CDK19: variants seen among roughly 807,000 people sequenced by gnomAD.
CDK19 encodes cyclin dependent kinase 19, also known as cyclin-dependent kinase 19.
In CDK19, 20 loss-of-function variants were observed where a neutral mutation model predicts 68.3. That is an observed-to-expected ratio of 0.29 (90% CI 0.21 to 0.43). The LOEUF is 0.43. Ranked by LOEUF, CDK19 falls within the 20% of genes least tolerant of loss-of-function variation. The probability of loss-of-function intolerance (pLI) is 1.00; values close to 1 mark genes in which losing one functional copy is unlikely to be tolerated. For missense variants in CDK19, 339 were observed against 623.5 expected (o/e 0.54, Z 4.86); for synonymous variants, 221 against 222.8 (o/e 0.99, Z 0.07).
At chr6:110,787,517 GC>G (rs1343687076) in intron 1 of CDK19, among the ~76,000 whole-genome samples, 3 of 151,978 alleles carry the variant, frequency 2.0e-5, no homozygotes, top group Non-Finnish European at 4.4e-5. Flanking sequence ...AACAATCACA[GC>G]TCACTGTAGC....
At chr6:110,670,162 TC>T (rs1675887532) in intron 3 of CDK19, among the ~76,000 whole-genome samples, 1 of 150,912 alleles carries the variant, frequency 6.6e-6, no homozygotes, top group South Asian at 2.1e-4. Flanking sequence ...CCTTCCCCGT[TC>T]GTCTCCCCCG....
At chr6:110,804,540 G>A (rs1241184907) in intron 1 of CDK19, among the ~76,000 whole-genome samples, 4 of 151,282 alleles carry the variant, frequency 2.6e-5, no homozygotes, top group South Asian at 2.1e-4. Context: ...TAGTAGAGAC[G>A]GGGTTTCACC....
chr6:110,740,207 CAT>C (rs1777550870), intron 2 of CDK19, among the ~76,000 whole-genome samples: 1 of 152,094 alleles, frequency 6.6e-6, no homozygotes, highest in African/African-American at 2.4e-5. Context: ...TTACGACAAA[CAT>C]ATTTTAATCT....
At chr6:110,798,511 C>A (rs1361897470) in intron 1 of CDK19, among the ~76,000 whole-genome samples, 6 of 151,340 alleles carry the variant, frequency 4.0e-5, no homozygotes, top group African/African-American at 1.5e-4. Flanking sequence ...GTAATCCCAG[C>A]TACTCAAGAG....
intron 1 of CDK19, among the ~76,000 whole-genome samples, chr6:110,775,058 C>T (rs550906970): frequency 4.9e-4 from 74 of 152,064 alleles, no homozygotes; most frequent in African/African-American, 1.8e-3. Flanking sequence ...CCATCCTGGC[C>T]AACATGGTGA....
At chr6:110,671,228 T>C (rs532081793) in intron 2 of CDK19, among the ~76,000 whole-genome samples, 22 of 152,160 alleles carry the variant, frequency 1.4e-4, no homozygotes, top group South Asian at 6.2e-4. Context: ...GTAGGAAAGA[T>C]AGACCAGAGC....
At chr6:110,678,198 C>T (rs1771693938) in intron 2 of CDK19, among the ~76,000 whole-genome samples, 1 of 151,858 alleles carries the variant, frequency 6.6e-6, no homozygotes, top group Non-Finnish European at 1.5e-5. Context: ...TAGCACAATG[C>T]CTGACACATT....
chr6:110,759,430 T>TATAC (rs1554219518), intron 1 of CDK19, among the ~76,000 whole-genome samples: 1 of 90,266 alleles, frequency 1.1e-5, no homozygotes, highest in Non-Finnish European at 2.1e-5. Context: ...AAAAAAAAAA[T>TATAC]ATATATATAT....
chr6:110,736,617 A>G (rs1777272270), intron 2 of CDK19, among the ~76,000 whole-genome samples: 1 of 152,234 alleles, frequency 6.6e-6, no homozygotes, highest in South Asian at 2.1e-4. Context: ...GGTATCTTCT[A>G]TAAGAACACA....
intron 4 of CDK19, among the ~76,000 whole-genome samples, chr6:110,652,082 AAC>A (rs1781009126): frequency 1.3e-5 from 2 of 151,766 alleles, no homozygotes; most frequent in South Asian, 4.2e-4. Flanking sequence ...TCAAAAAAGA[AAC>A]AAACAAACAA....
chr6:110,791,685 T>A (rs1174180851), intron 1 of CDK19, among the ~76,000 whole-genome samples: 1 of 152,092 alleles, frequency 6.6e-6, no homozygotes, highest in East Asian at 1.9e-4. Context: ...AGAGACAAGG[T>A]CTCACTATGT....
chr6:110,760,342 A>T (rs1018311020), intron 1 of CDK19, among the ~76,000 whole-genome samples: 1 of 139,998 alleles, frequency 7.1e-6, no homozygotes, highest in African/African-American at 2.7e-5. Context: ...GTTTGCAGAG[A>T]GCCAAGATTG....
chr6:110,787,877 T>C (rs1166132707), intron 1 of CDK19, among the ~76,000 whole-genome samples: 2 of 152,344 alleles, frequency 1.3e-5, no homozygotes, highest in African/African-American at 2.4e-5. Context: ...TCTCGCTCTG[T>C]TGCCCAGGCT....
intron 1 of CDK19, among the ~76,000 whole-genome samples, chr6:110,792,435 GTGCAGTGGCACAATCTCGGCTCAC>G (rs6149751): frequency 0.16 from 23,677 of 151,812 alleles, 2,067 homozygotes; most frequent in East Asian, 0.31. Context: ...CCAGGCTGGA[GTGCAGTGGCACAATCTCGGCTCAC>G]TGCAGTGGCA....
chr6:110,783,381 T>C (rs1019039688), intron 1 of CDK19, among the ~76,000 whole-genome samples: 1 of 152,174 alleles, frequency 6.6e-6, no homozygotes, highest in African/African-American at 2.4e-5. Context: ...CTCACACCTG[T>C]AATTTCAGCA....
chr6:110,745,956 AAAAAT>A (rs1464629126), intron 2 of CDK19, among the ~76,000 whole-genome samples, 165 bp downstream of exon 2: 1 of 152,230 alleles, frequency 6.6e-6, no homozygotes, highest in Non-Finnish European at 1.5e-5. Flanking sequence ...CTCAAAATTT[AAAAAT>A]AAAATAAAAA....
intron 4 of CDK19, chr6:110,646,519 C>CT: frequency 1.5e-6 from 2 of 1,314,428 alleles, no homozygotes; most frequent in Non-Finnish European, 2.0e-6. Flanking sequence ...GGGAAACCGA[C>CT]GTGCGCCTCC....
chr6:110,792,533 G>C (rs1450652676), intron 1 of CDK19, among the ~76,000 whole-genome samples: 1 of 151,974 alleles, frequency 6.6e-6, no homozygotes, highest in East Asian at 1.9e-4. Context: ...TCAGCCTCCC[G>C]AGTAGCTGGG....
At chr6:110,717,623 A>G (rs934480383) in intron 2 of CDK19, among the ~76,000 whole-genome samples, 1 of 152,224 alleles carries the variant, frequency 6.6e-6, no homozygotes, top group Non-Finnish European at 1.5e-5. Flanking sequence ...CTATGGTTTT[A>G]TTAAGAAGTG....
Sources: gnomAD v4.1 joint callset for allele counts (sites outside exome capture counted in the v4.1 genomes callset) on GRCh38, gnomAD v4.1.1 for gene constraint, MANE v1.5 for transcripts, NCBI Gene and HGNC (gene_info 2026-07-23, HGNC 2026-07-21) for gene names.